HECTD2: variants seen among roughly 807,000 people sequenced by gnomAD.
The protein encoded by HECTD2 is HECT domain E3 ubiquitin protein ligase 2.
In HECTD2, 35 loss-of-function variants were observed where a neutral mutation model predicts 103.2. The observed-to-expected ratio is 0.34, with a 90% CI of 0.26 to 0.45. The LOEUF is 0.45. Among genes scored for constraint, HECTD2 ranks in the 20% least tolerant of loss-of-function variants. The pLI is 1.00. For missense variants in HECTD2, 596 were observed against 937.4 expected (o/e 0.64, Z 4.76); for synonymous variants, 281 against 329.9 (o/e 0.85, Z 1.61).
chr10:91,507,556 A>G (rs953081394), intron 20 of HECTD2, among the ~76,000 whole-genome samples: 27 of 152,106 alleles, frequency 1.8e-4, no homozygotes, highest in African/African-American at 5.3e-4. Context: ...TAGGAATCCA[A>G]CTTACAAGGG....
At chr10:91,409,655 G>C (rs906704769), upstream of HECTD2, among the ~76,000 whole-genome samples, 2 of 152,202 alleles carry the variant, frequency 1.3e-5, no homozygotes, top group South Asian at 4.1e-4. Context: ...CCCACCTCCA[G>C]GCTTTTCCTG....
chr10:91,420,621 A>G (rs1365931248), intron 1 of HECTD2, among the ~76,000 whole-genome samples: 1 of 152,156 alleles, frequency 6.6e-6, no homozygotes, highest in African/African-American at 2.4e-5. Flanking sequence ...AAAGAAAATC[A>G]GTCTACTATG....
At chr10:91,504,099 A>C (rs1170782462) in intron 20 of HECTD2, among the ~76,000 whole-genome samples, 1 of 152,130 alleles carries the variant, frequency 6.6e-6, no homozygotes, top group Non-Finnish European at 1.5e-5. Flanking sequence ...ACAAACAGAA[A>C]GGACATCCAC....
intron 6 of HECTD2, among the ~76,000 whole-genome samples, chr10:91,479,680 A>T (rs1166373692): frequency 6.6e-6 from 1 of 152,144 alleles, no homozygotes; most frequent in Admixed American, 6.5e-5. Context: ...TTATGTAAAA[A>T]TTTTTTTAGA....
At chr10:91,458,157 G>A (rs950408215) in intron 2 of HECTD2, among the ~76,000 whole-genome samples, 2 of 151,320 alleles carry the variant, frequency 1.3e-5, no homozygotes, top group African/African-American at 2.4e-5. Context: ...GTGAACACAC[G>A]GACACTAAAA....
intron 7 of HECTD2, among the ~76,000 whole-genome samples, 178 bp from the exon 8 acceptor site, chr10:91,482,789 T>C (rs922567509): frequency 4.6e-5 from 7 of 151,998 alleles, no homozygotes; most frequent in African/African-American, 1.7e-4. Flanking sequence ...CATGCTCTTT[T>C]CACTGTATAG....
Position 91,410,360 on chromosome 10 carries a change from C to CGCG in HECTD2, c.-73_-71dup, listed in dbSNP as rs987417717. 6.3e-6 allele frequency: 6 copies of CGCG among 952,042 alleles called. No individual in the cohort carries two copies. Among genetic ancestry groups the CGCG allele is most frequent in the Middle Eastern group, 4.0e-4 (1 of 2,488 alleles). 59.0% of individuals were successfully genotyped at this position (952,042 alleles called of 1,614,324 possible). ...CGGCAGCCCAGAGCCCTCTCGCGGC[C>CGCG]GCGGCGGCAGCAGCAGCGCCAGCCC... On this transcript the variant is annotated 5_prime_UTR_variant, in exon 1 of 21. Transcript: ENST00000298068.
chr10:91,484,767 G>A (rs750105208), intron 9 of HECTD2, 112 bp downstream of exon 9: 77 of 758,316 alleles, frequency 1.0e-4, no homozygotes, highest in Non-Finnish European at 1.4e-4. Flanking sequence ...AACCATTTCT[G>A]TGAAGGAAAG....
In HECTD2 at chr10:91,487,655, T is replaced by A; in HGVS notation, c.1095-27T>A. ...TTTTGTTAAAAATACACCATTTTGCTTTTTCTTTTTTTCACTTGTTGAGCA... is the reference window on the plus strand; with the variant it reads ...TTTTGTTAAAAATACACCATTTTGCATTTTCTTTTTTTCACTTGTTGAGCA... On this transcript the variant is annotated intron_variant, in intron 10 of 20. Transcript: ENST00000298068. This position sits in a 1 kb window ranked among gnomAD's most constrained non-coding sequence, Gnocchi z 4.1. 6.8e-7 allele frequency: 1 copy of A among 1,475,232 alleles called. No homozygotes were observed. Among genetic ancestry groups the A allele is most frequent in the Non-Finnish European group, 9.5e-7 (1 of 1,053,804 alleles). The allele number at this position is 1,475,232 out of a possible 1,614,324, so 91.4% of individuals were successfully genotyped here.
intron 2 of HECTD2, among the ~76,000 whole-genome samples, chr10:91,458,792 T>A (rs998977513): frequency 2.0e-5 from 3 of 151,762 alleles, no homozygotes; most frequent in Admixed American, 1.3e-4. Flanking sequence ...AGAAAAAAAA[T>A]GAAACGATCT....
intron 1 of HECTD2, among the ~76,000 whole-genome samples, chr10:91,412,632 A>T (rs182025424): frequency 0.012 from 1,735 of 149,358 alleles, 40 homozygotes; most frequent in African/African-American, 0.04. Context: ...TTATTTTTTA[A>T]AAAAAAAAAC....
At chr10:91,502,725 ATATTT>A (rs1363777946) in intron 20 of HECTD2, among the ~76,000 whole-genome samples, 1 of 152,150 alleles carries the variant, frequency 6.6e-6, no homozygotes, top group African/African-American at 2.4e-5. Flanking sequence ...ATTTTTCAGA[ATATTT>A]TATTTTATAT....
chr10:91,413,033 C>A (rs1388617931), intron 1 of HECTD2, among the ~76,000 whole-genome samples: 3 of 152,114 alleles, frequency 2.0e-5, no homozygotes, highest in African/African-American at 7.2e-5. Flanking sequence ...AGTGATTGTT[C>A]CTTTTTGCCC....
At chr10:91,428,034 A>G (rs1340508738) in intron 2 of HECTD2, among the ~76,000 whole-genome samples, 1 of 151,814 alleles carries the variant, frequency 6.6e-6, no homozygotes, top group Non-Finnish European at 1.5e-5. Context: ...TCTTTAATCC[A>G]TCTCCAATTA....
chr10:91,431,462 T>A (rs1242799188), intron 2 of HECTD2, among the ~76,000 whole-genome samples: 3 of 152,162 alleles, frequency 2.0e-5, no homozygotes, highest in African/African-American at 7.2e-5. Flanking sequence ...CTGGATAATA[T>A]CCTGCAGAGT....
intron 20 of HECTD2, among the ~76,000 whole-genome samples, chr10:91,505,312 A>G (rs1847108428): frequency 2.0e-5 from 3 of 151,620 alleles, no homozygotes; most frequent in South Asian, 4.2e-4. Context: ...GCTCCAATTA[A>G]AAGACACAGA....
chr10:91,427,822 A>T (rs1014199837), intron 2 of HECTD2, among the ~76,000 whole-genome samples: 1 of 151,962 alleles, frequency 6.6e-6, no homozygotes, highest in African/African-American at 2.4e-5. Flanking sequence ...CCCATTTTGT[A>T]GGTTGCCTGT....
intron 3 of HECTD2, 115 bp downstream of exon 3, chr10:91,460,680 G>T: frequency 1.0e-6 from 1 of 976,872 alleles, no homozygotes; most frequent in South Asian, 2.9e-5. Context: ...TATTAGCCAA[G>T]AGGACCTCAA....
intron 15 of HECTD2, among the ~76,000 whole-genome samples, chr10:91,497,218 C>T (rs1207883522): frequency 1.1e-4 from 17 of 148,570 alleles, no homozygotes; most frequent in African/African-American, 4.2e-4. Context: ...TCAAGTGATC[C>T]GCCTGCCTCA....
Sources: gnomAD v4.1 joint callset for allele counts (sites outside exome capture counted in the v4.1 genomes callset) on GRCh38, gnomAD v4.1.1 for gene constraint, Gnocchi (gnomAD v3.1) non-coding constraint, MANE v1.5 for transcripts, NCBI Gene and HGNC (gene_info 2026-07-23, HGNC 2026-07-21) for gene names.